The following ABCB5 variants were observed in gnomAD, a reference collection of about 807,000 sequenced individuals.
The protein encoded by ABCB5 is ATP binding cassette subfamily B member 5.
ABCB5 carries 155 observed loss-of-function variants against 144.2 expected under a neutral mutation model. The observed-to-expected ratio is 1.08, with a 90% CI of 0.94 to 1.23. The LOEUF is 1.23. ABCB5 is among the 50% of genes most tolerant of loss of function. The probability of loss-of-function intolerance (pLI) is 0.00; values close to 1 mark genes in which losing one functional copy is unlikely to be tolerated. For synonymous variants in ABCB5, 610 were observed against 528.6 expected (o/e 1.15, Z -2.11); for missense variants, 1,830 against 1,520.8 (o/e 1.20, Z -3.38).
intron 14 of ABCB5, among the ~76,000 whole-genome samples, chr7:20,663,936 G>A (rs144059200): frequency 4.0e-4 from 60 of 151,738 alleles, no homozygotes; most frequent in African/African-American, 1.2e-3. Flanking sequence ...GGCTGGTCTC[G>A]AACTCCTGAC....
At chr7:20,741,628 A>C (rs971107322) in intron 24 of ABCB5, among the ~76,000 whole-genome samples, 10 of 152,266 alleles carry the variant, frequency 6.6e-5, no homozygotes, top group Admixed American at 5.9e-4. Flanking sequence ...TCTTTTAACA[A>C]GAAAATAATA....
At chr7:20,647,278 G>A in intron 9 of ABCB5, 1 of 1,214,698 alleles carries the variant, frequency 8.2e-7, no homozygotes, top group Non-Finnish European at 1.0e-6. Flanking sequence ...ACAAGACTAT[G>A]AGATAATCAA....
intron 23 of ABCB5, among the ~76,000 whole-genome samples, chr7:20,729,108 A>G (rs1231306644): frequency 6.6e-6 from 1 of 152,202 alleles, no homozygotes; most frequent in East Asian, 1.9e-4. Context: ...ATGTTCTGAT[A>G]TATGTTAACA....
At chr7:20,647,339 T>A in intron 9 of ABCB5, 196 bp from the exon 10 acceptor site, 1 of 1,336,040 alleles carries the variant, frequency 7.5e-7, no homozygotes, top group Non-Finnish European at 9.5e-7. Context: ...TAATCTGTGT[T>A]TCTATTGCTT....
At chr7:20,622,858 T>C (rs932079490) in intron 1 of ABCB5, among the ~76,000 whole-genome samples, 2 of 152,102 alleles carry the variant, frequency 1.3e-5, no homozygotes, top group East Asian at 1.9e-4. Flanking sequence ...TGCTGGCTAA[T>C]AAAAACTACT....
chr7:20,735,830 C>A (rs1782363982), intron 23 of ABCB5, among the ~76,000 whole-genome samples: 1 of 152,168 alleles, frequency 6.6e-6, no homozygotes, highest in Admixed American at 6.5e-5. Flanking sequence ...GTCTTCTGGG[C>A]AAATTGCATA....
At chr7:20,639,402 T>C (rs933657528) in intron 5 of ABCB5, among the ~76,000 whole-genome samples, 4 of 152,102 alleles carry the variant, frequency 2.6e-5, no homozygotes. Context: ...CACTTTTGGG[T>C]GTGGGAATTT....
intron 4 of ABCB5, among the ~76,000 whole-genome samples, chr7:20,629,570 T>C (rs1783987551): frequency 6.6e-6 from 1 of 152,020 alleles, no homozygotes; most frequent in African/African-American, 2.4e-5. Flanking sequence ...GATACTAGCC[T>C]GGCCAACATG....
intron 14 of ABCB5, among the ~76,000 whole-genome samples, chr7:20,680,679 T>C (rs535243881): frequency 6.6e-6 from 1 of 152,316 alleles, no homozygotes; most frequent in East Asian, 1.9e-4. Context: ...CAAATTCCGT[T>C]TGAAATGCAC....
chr7:20,661,766 C>A (rs1583405448), intron 14 of ABCB5, among the ~76,000 whole-genome samples: 1 of 151,968 alleles, frequency 6.6e-6, no homozygotes, highest in African/African-American at 2.4e-5. Flanking sequence ...ACCTCCTGAC[C>A]TTGTGATCTG....
Position 20,643,580 on chromosome 7 carries a change from T to G in ABCB5, c.626T>G (p.Val209Gly). ...GLVKGWKLTL[V>G]TLSTSPLIMA... ...GTGAAGGGCTGGAAACTCACCCTAG[T>G]GACTCTATCCACGTCTCCTCTTATA... Residue 209 changes from valine to glycine, a missense_variant, in exon 7 of 28, where the codon GTG (valine) becomes GGG (glycine). Coordinates refer to ENST00000404938, the MANE Select transcript of ABCB5 (RefSeq NM_001163941.2). The G allele has an allele frequency of 6.2e-7, 1 of 1,613,976 alleles. No homozygotes were observed. Among genetic ancestry groups the G allele is most frequent in the African/African-American group, 1.3e-5 (1 of 75,054 alleles).
At chr7:20,645,710 T>C in intron 7 of ABCB5, 46 bp from the exon 8 acceptor site, 2 of 1,607,902 alleles carry the variant, frequency 1.2e-6, no homozygotes, top group Non-Finnish European at 1.7e-6. Flanking sequence ...CAGAACATTA[T>C]TACTACACAG....
intron 19 of ABCB5, among the ~76,000 whole-genome samples, chr7:20,703,927 T>C (rs78902135): frequency 0.03 from 4,609 of 152,156 alleles, 235 homozygotes; most frequent in African/African-American, 0.11. Context: ...ACAACGCCCA[T>C]TGCTGTAAGT....
At chr7:20,729,077 A>G (rs1279381054) in intron 23 of ABCB5, among the ~76,000 whole-genome samples, 1 of 152,206 alleles carries the variant, frequency 6.6e-6, no homozygotes, top group East Asian at 1.9e-4. Context: ...TACATATTAT[A>G]TATTTATGGG....
chr7:20,696,763 T>C (rs1054577777), intron 16 of ABCB5, among the ~76,000 whole-genome samples: 1 of 152,188 alleles, frequency 6.6e-6, no homozygotes, highest in Non-Finnish European at 1.5e-5. Context: ...TAACACAGCC[T>C]ATTTTATGAT....
At position 20,643,539 on chromosome 7, in the gene ABCB5, C is replaced by T. The variant is rs1470786619; in HGVS notation, c.585C>T (p.Gly195=). ...AAAACATGTCTACTTTTTCGATTGG[C>T]CTGGCAGTTGGTTTGGTGAAGGGCT... ...LFQNMSTFSI[G]LAVGLVKGWK... The change falls in exon 7 of 28, where the codon GGC becomes GGT. Residue 195 remains glycine (G), a synonymous_variant. Coordinates refer to ENST00000404938, the MANE Select transcript of ABCB5 (RefSeq NM_001163941.2). 6 of 1,613,944 alleles carry T rather than the reference C, an allele frequency of 3.7e-6. No homozygotes were observed. The East Asian group carries it at 1.3e-4, about 36-fold the overall frequency.
chr7:20,741,700 G>A (rs1407071503), intron 24 of ABCB5, among the ~76,000 whole-genome samples: 1 of 151,822 alleles, frequency 6.6e-6, no homozygotes, highest in Non-Finnish European at 1.5e-5. Context: ...CCTATAATAT[G>A]ATGGGCTCAG....
At chr7:20,727,692 C>T (rs1338199211) in intron 22 of ABCB5, among the ~76,000 whole-genome samples, 1 of 152,156 alleles carries the variant, frequency 6.6e-6, no homozygotes, top group Non-Finnish European at 1.5e-5. Flanking sequence ...TGAGATCATG[C>T]CATTACACTC....
intron 16 of ABCB5, among the ~76,000 whole-genome samples, chr7:20,694,103 GGAA>G (rs896584729): frequency 7.5e-5 from 11 of 146,610 alleles, no homozygotes; most frequent in African/African-American, 2.2e-4. Flanking sequence ...AAAGTGATAA[GGAA>G]GAAGTTCTTA....
Sources: gnomAD v4.1 joint callset for allele counts (sites outside exome capture counted in the v4.1 genomes callset) on GRCh38, gnomAD v4.1.1 for gene constraint, MANE v1.5 for transcripts, NCBI Gene and HGNC (gene_info 2026-07-23, HGNC 2026-07-21) for gene names.